Variants in RNF130 observed in about 807,000 individuals in gnomAD.
RNF130 encodes the protein ring finger protein 130.
In RNF130, 21 loss-of-function variants were observed where a neutral mutation model predicts 44.6. The observed-to-expected ratio is 0.47, with a 90% CI of 0.33 to 0.68. The LOEUF (loss-of-function observed/expected upper bound fraction) is 0.68, where lower values mean the gene tolerates loss of function less well. Among genes scored for constraint, RNF130 ranks in the 30% least tolerant of loss-of-function variants. The probability of loss-of-function intolerance (pLI) is 0.02; values close to 1 mark genes in which losing one functional copy is unlikely to be tolerated. For synonymous variants in RNF130, 214 were observed against 210.4 expected, an observed-to-expected ratio of 1.02 and a Z score of -0.15; for missense variants, 479 against 560.6, an observed-to-expected ratio of 0.85 and a Z score of 1.47.
rs566055365 is a variant in RNF130, at chr5:180,034,440, T to C, written c.442+6013A>G. Among the ~76,000 whole-genome samples, 6 of 152,336 alleles carry C rather than the reference T, an allele frequency of 3.9e-5. No individual in the cohort carries two copies. The East Asian group carries it at 1.2e-3, about 29-fold the overall frequency. The stretch of plus-strand genomic sequence containing the variant: ...TCTGAAAGTTTGTGAAGGATTAGTA[T>C]TATTTTTTCTTTAAATATTTGATAG... On this transcript the variant is annotated intron_variant, in intron 2 of 8. Coordinates refer to ENST00000521389, the MANE Select transcript of RNF130 (RefSeq NM_018434.6).
chr5:180,032,014 A>C (rs1361882523), intron 2 of RNF130, among the ~76,000 whole-genome samples: 1 of 152,210 alleles, frequency 6.6e-6, no homozygotes, highest in African/African-American at 2.4e-5. Flanking sequence ...ATGATCAATA[A>C]AATGTCTAAT....
intron 5 of RNF130, among the ~76,000 whole-genome samples, chr5:179,975,421 A>T (rs1369921224): frequency 6.6e-6 from 1 of 152,236 alleles, no homozygotes; most frequent in Non-Finnish European, 1.5e-5. Flanking sequence ...ACACCCCCAC[A>T]CAATGACCTG....
chr5:179,981,115 T>C (rs1379307574), intron 3 of RNF130, among the ~76,000 whole-genome samples: 1 of 151,826 alleles, frequency 6.6e-6, no homozygotes, highest in Admixed American at 6.6e-5. Context: ...GGTGTAGGGG[T>C]AGGAGTGGGT....
At chr5:179,940,370 G>A (rs771645667) in intron 7 of RNF130, among the ~76,000 whole-genome samples, 4 of 151,822 alleles carry the variant, frequency 2.6e-5, no homozygotes, top group Non-Finnish European at 4.4e-5. Context: ...ACAGGTGCCC[G>A]GCACCACACC....
chr5:179,925,287 C>G, intron 7 of RNF130, among the ~76,000 whole-genome samples: 1 of 120,340 alleles, frequency 8.3e-6, no homozygotes, highest in African/African-American at 2.8e-5. Context: ...CCATGGCCAA[C>G]AGTTTAATCA....
chr5:180,007,848 T>A (rs1021227715), intron 3 of RNF130, among the ~76,000 whole-genome samples: 14 of 152,180 alleles, frequency 9.2e-5, no homozygotes, highest in Non-Finnish European at 1.6e-4. Flanking sequence ...CCGTGAGCCT[T>A]TGTTCCAACG....
rs543046306 is a variant in RNF130, at chr5:179,968,323, A to C, written c.946-1313T>G. 9.9e-5 allele frequency among the ~76,000 whole-genome samples: 15 copies of C among 151,234 alleles called. No homozygotes were observed. In the East Asian group the frequency reaches 2.3e-3, roughly 24 times the overall value. On this transcript the variant is annotated intron_variant, in intron 6 of 8. Transcript: ENST00000521389. ...AAACAAACAAACAAACAAAAAAAGA[A>C]GGCGGCGGCTAGCGGTAACAACAGA...
chr5:180,025,802 A>T (rs974350398), intron 2 of RNF130, among the ~76,000 whole-genome samples: 2 of 152,210 alleles, frequency 1.3e-5, no homozygotes, highest in African/African-American at 2.4e-5. Flanking sequence ...ATTAGAAGCT[A>T]AAAAACTTTA....
At chr5:180,003,699 A>T (rs1053606427) in intron 3 of RNF130, among the ~76,000 whole-genome samples, 2 of 152,058 alleles carry the variant, frequency 1.3e-5, no homozygotes, top group Non-Finnish European at 2.9e-5. Context: ...TTTTTTTAAA[A>T]TTTTTCATTC....
chr5:179,939,132 G>A (rs866966974), intron 7 of RNF130, among the ~76,000 whole-genome samples: 33 of 152,192 alleles, frequency 2.2e-4, no homozygotes, highest in African/African-American at 4.6e-4. Context: ...CAGGAGAATC[G>A]CTTGAACTCG....
intron 1 of RNF130, among the ~76,000 whole-genome samples, chr5:180,068,292 G>C (rs1489303206): frequency 6.7e-6 from 1 of 149,618 alleles, no homozygotes; most frequent in African/African-American, 2.6e-5. Flanking sequence ...TTTGCTCCTA[G>C]TTCTAAGCTC....
intron 3 of RNF130, among the ~76,000 whole-genome samples, chr5:180,006,407 G>A (rs1031767096): frequency 4.6e-5 from 7 of 152,098 alleles, no homozygotes; most frequent in African/African-American, 1.4e-4. Context: ...ATTCTGACAG[G>A]CAAATGCATT....
intron 2 of RNF130, among the ~76,000 whole-genome samples, chr5:180,022,412 A>G (rs948265213): frequency 6.6e-6 from 1 of 152,246 alleles, no homozygotes; most frequent in African/African-American, 2.4e-5. Flanking sequence ...ATGCTTCATA[A>G]GACCCTGTGT....
intron 7 of RNF130, among the ~76,000 whole-genome samples, chr5:179,948,461 G>A (rs1015853598): frequency 6.6e-6 from 1 of 152,170 alleles, no homozygotes; most frequent in Non-Finnish European, 1.5e-5. Context: ...CCTGAGGTCA[G>A]GAGTTTGAGA....
chr5:180,048,542 G>C (rs1029858582), intron 1 of RNF130, among the ~76,000 whole-genome samples: 2 of 152,196 alleles, frequency 1.3e-5, no homozygotes, highest in African/African-American at 4.8e-5. Flanking sequence ...GGAGGCTGAG[G>C]TGGGAGAATC....
At chr5:179,980,015 T>C (rs1200715185) in intron 4 of RNF130, 114 bp downstream of exon 4, 23 of 832,984 alleles carry the variant, frequency 2.8e-5, no homozygotes, top group Non-Finnish European at 4.0e-5. Context: ...GGTAGTGTAG[T>C]TGGAGAAAAT....
rs762642961 is a variant in RNF130 at position 180,040,507 on chromosome 5, C to T, written c.388G>A (p.Val130Ile). 1.9e-6 allele frequency: 3 copies of T among 1,614,068 alleles called. No individual in the cohort carries two copies. Among genetic ancestry groups the T allele is most frequent in the Non-Finnish European group, 2.5e-6 (3 of 1,180,044 alleles). ...TTGGATTTATTATTGTAGATGACTACAGCAACTGCATTGTGGAAAGCGGCC... is the reference window on the plus strand; with the variant it reads ...TTGGATTTATTATTGTAGATGACTATAGCAACTGCATTGTGGAAAGCGGCC... ...SRAAFHNAVAVVIYNNKSKEE... is the reference protein window; with the variant it reads ...SRAAFHNAVAIVIYNNKSKEE... Residue 130 changes from valine to isoleucine, a missense_variant, in exon 2 of 9, where the codon GTA (valine) becomes ATA (isoleucine). By Grantham distance (29) the Val-to-Ile change is conservative. Transcript: ENST00000521389.
At chr5:179,953,069 G>A (rs549220487), downstream of RNF130, among the ~76,000 whole-genome samples, 1 of 152,264 alleles carries the variant, frequency 6.6e-6, no homozygotes, top group Admixed American at 6.5e-5. Context: ...TCTATGTACA[G>A]ATGACATGAT....
At chr5:180,049,488 CAAATACTGCA>C (rs1475616152) in intron 1 of RNF130, among the ~76,000 whole-genome samples, 1 of 152,180 alleles carries the variant, frequency 6.6e-6, no homozygotes, top group African/African-American at 2.4e-5. Flanking sequence ...ACAGTTATTG[CAAATACTGCA>C]AAATACTGAT....
Sources: allele counts gnomAD v4.1 joint callset (sites outside exome capture counted in the v4.1 genomes callset), GRCh38; gene constraint gnomAD v4.1.1; transcripts MANE v1.5; gene names NCBI Gene and HGNC (gene_info 2026-07-23, HGNC 2026-07-21).